The following POFUT3 variants were observed in gnomAD, a reference collection of about 807,000 sequenced individuals.
The protein encoded by POFUT3 is GDP-fucose protein O-fucosyltransferase 3.
the POFUT3 span, among the ~76,000 whole-genome samples, chr8:33,358,939 C>T: frequency 1.3e-5 from 2 of 152,126 alleles, no homozygotes; most frequent in South Asian, 4.1e-4. Flanking sequence ...AGCAGTCCCA[C>T]ACCAGACACC....
the POFUT3 span, among the ~76,000 whole-genome samples, chr8:33,379,834 T>TAAA: frequency 1.4e-5 from 1 of 71,076 alleles, no homozygotes; most frequent in African/African-American, 6.5e-5. Context: ...AGACTCTGTC[T>TAAA]AAAAAAAAAA....
At chr8:33,387,665 G>C in the POFUT3 span, among the ~76,000 whole-genome samples, 1 of 152,112 alleles carries the variant, frequency 6.6e-6, no homozygotes, top group Admixed American at 6.6e-5. Flanking sequence ...TTAGTCAGGT[G>C]TGGTGACTTA....
At chr8:33,357,535 T>A in the POFUT3 span, among the ~76,000 whole-genome samples, 1 of 151,406 alleles carries the variant, frequency 6.6e-6, no homozygotes, top group South Asian at 2.1e-4. Context: ...TGTATACATA[T>A]ATGTGTGTAT....
the POFUT3 span, among the ~76,000 whole-genome samples, chr8:33,320,102 A>T: frequency 6.6e-6 from 1 of 151,894 alleles, no homozygotes; most frequent in Non-Finnish European, 1.5e-5. Context: ...AGACTATGCC[A>T]TGTGTATGTC....
chr8:33,339,201 C>T, the POFUT3 span, among the ~76,000 whole-genome samples: 5 of 151,412 alleles, frequency 3.3e-5, no homozygotes, highest in African/African-American at 7.3e-5. Flanking sequence ...TAAATTTCAA[C>T]GAAGAGATAT....
chr8:33,367,820 C>T, the POFUT3 span, among the ~76,000 whole-genome samples: 1 of 151,996 alleles, frequency 6.6e-6, no homozygotes, highest in African/African-American at 2.4e-5. Flanking sequence ...GGATAATATC[C>T]TGACCCAAAA....
At chr8:33,309,708 A>C in the POFUT3 span, among the ~76,000 whole-genome samples, 12 of 152,172 alleles carry the variant, frequency 7.9e-5, 1 homozygote, top group Admixed American at 2.0e-4. Flanking sequence ...CAGTAAAAAT[A>C]AATTAAAATA....
chr8:33,372,102 C>T, the POFUT3 span: 113 of 956,004 alleles, frequency 1.2e-4, no homozygotes, highest in Non-Finnish European at 1.4e-4. Flanking sequence ...GCTTTTATTA[C>T]TCACTTACAT....
At chr8:33,390,474 T>A in the POFUT3 span, among the ~76,000 whole-genome samples, 3 of 150,484 alleles carry the variant, frequency 2.0e-5, no homozygotes, top group South Asian at 6.3e-4. Context: ...ATAAAGACAG[T>A]TCTTTAAAAA....
the POFUT3 span, among the ~76,000 whole-genome samples, chr8:33,392,053 T>C: frequency 6.6e-6 from 1 of 152,120 alleles, no homozygotes; most frequent in South Asian, 2.1e-4. Context: ...CAGCTGCCTT[T>C]AATAGTGGGA....
the POFUT3 span, among the ~76,000 whole-genome samples, chr8:33,417,676 G>A: frequency 6.6e-6 from 1 of 152,260 alleles, no homozygotes; most frequent in African/African-American, 2.4e-5. Flanking sequence ...AGGGGTGGGG[G>A]CTTCAAGAAG....
the POFUT3 span, among the ~76,000 whole-genome samples, chr8:33,424,638 T>C: frequency 1.3e-5 from 2 of 152,308 alleles, no homozygotes; most frequent in Non-Finnish European, 2.9e-5. Flanking sequence ...TAACTCCCTT[T>C]CACTCCATTT....
At chr8:33,461,264 C>A in the POFUT3 span, 12 of 1,190,244 alleles carry the variant, frequency 1.0e-5, no homozygotes, top group Non-Finnish European at 1.4e-5. Flanking sequence ...ATCCTGAACA[C>A]CCCTGATTCA....
the POFUT3 span, among the ~76,000 whole-genome samples, chr8:33,373,658 G>A: frequency 6.6e-6 from 1 of 151,808 alleles, no homozygotes. Flanking sequence ...AATTTAGAAG[G>A]GAGAAAGGGA....
At chr8:33,453,393 C>T in the POFUT3 span, 2 of 1,614,152 alleles carry the variant, frequency 1.2e-6, no homozygotes, top group Non-Finnish European at 8.5e-7. Flanking sequence ...AAGGTCAATC[C>T]TTCTTTCTTA....
the POFUT3 span, among the ~76,000 whole-genome samples, chr8:33,308,687 T>G: frequency 6.6e-6 from 1 of 152,188 alleles, no homozygotes; most frequent in Admixed American, 6.5e-5. Context: ...TCTATTCCTA[T>G]ACATTAGTTA....
the POFUT3 span, among the ~76,000 whole-genome samples, chr8:33,370,044 T>A: frequency 6.6e-6 from 1 of 151,626 alleles, no homozygotes; most frequent in Admixed American, 6.6e-5. Context: ...AAATTAGTCA[T>A]TGAATGGCCA....
the POFUT3 span, among the ~76,000 whole-genome samples, chr8:33,316,909 A>G: frequency 6.6e-6 from 1 of 152,094 alleles, no homozygotes; most frequent in Non-Finnish European, 1.5e-5. Context: ...CACTGTAATT[A>G]TTCTGTCTGA....
chr8:33,468,327 A>G, the POFUT3 span, among the ~76,000 whole-genome samples: 2 of 151,566 alleles, frequency 1.3e-5, no homozygotes, highest in African/African-American at 4.8e-5. Flanking sequence ...GTTGCAGGAG[A>G]GGCAAGGCAG....
Sources: gnomAD v4.1 joint callset for allele counts (sites outside exome capture counted in the v4.1 genomes callset) on GRCh38, gnomAD v4.1.1 for gene constraint, MANE v1.5 for transcripts, NCBI Gene and HGNC (gene_info 2026-07-23, HGNC 2026-07-21) for gene names.